The following DVL2 variants were observed in gnomAD, a reference collection of about 807,000 sequenced individuals.
DVL2 encodes the protein segment polarity protein dishevelled homolog DVL-2.
In DVL2, 38 loss-of-function variants were observed where a neutral mutation model predicts 69.8. The observed-to-expected ratio is 0.54, with a 90% confidence interval of 0.42 to 0.71. The LOEUF is 0.71. DVL2 is among the 30% of genes least tolerant of loss of function. DVL2 has a pLI of 0.00. For missense variants in DVL2, 931 were observed against 1,008.1 expected, an observed-to-expected ratio of 0.92 and a Z score of 1.04; for synonymous variants, 428 against 392.4, an observed-to-expected ratio of 1.09 and a Z score of -1.07.
At chr17:7,228,103 G>A in intron 9 of DVL2, 59 bp from the exon 10 acceptor site, 1 of 1,389,460 alleles carries the variant, frequency 7.2e-7, no homozygotes, top group Non-Finnish European at 9.8e-7. Context: ...CAGGAGGGCG[G>A]GGGTCTGAAG....
chr17:7,229,831 C>G lies in DVL2; in HGVS notation c.633G>C (p.Ser211=), dbSNP rs372152954. 1 of 1,612,324 alleles carries G rather than the reference C, an allele frequency of 6.2e-7. No homozygotes were observed. The highest frequency in any genetic ancestry group is 1.1e-5 in the South Asian group (1 of 91,078). Residue 211 remains serine, a synonymous_variant, in exon 5 of 15, where the codon TCG becomes TCC. Coordinates refer to ENST00000005340, the MANE Select transcript of DVL2 (RefSeq NM_004422.3). The surrounding 1 kb of genome is among the most constrained non-coding windows in gnomAD (Gnocchi z 4.4). Reference sequence around the variant, plus strand: ...ACCTGCTCATGGTGTCCTCCTCGTCCGAGTCCCCCAGGCTGGTACTCTCCA... The same window carrying G: ...ACCTGCTCATGGTGTCCTCCTCGTCGGAGTCCCCCAGGCTGGTACTCTCCA... ...SELESTSLGD[S]DEEDTMSRFS... is the part of the protein sequence containing the mutation.
chr17:7,225,410 G>T lies in DVL2; in HGVS notation c.*455C>A, dbSNP rs185187716. 6.4e-5 allele frequency: 30 copies of T among 465,198 alleles called. 1 individual carries two copies. The East Asian group carries it at 1.3e-3, about 20-fold the overall frequency. 28.8% of individuals were successfully genotyped at this position (465,198 alleles called of 1,614,324 possible). ...TAAAATAAATAGAGTAACAAAGGCA[G>T]CTACATGGCCCAAATCTCCCAGCTT... On this transcript the variant is annotated 3_prime_UTR_variant, in exon 15 of 15. Transcript: ENST00000005340.
At chr17:7,227,006 C>G in intron 13 of DVL2, 84 bp downstream of exon 13, 1 of 1,385,334 alleles carries the variant, frequency 7.2e-7, no homozygotes, top group South Asian at 1.3e-5. Flanking sequence ...GCCCTGGCTG[C>G]GGTTTCTGGG....
rs1452737917 is a variant in DVL2, at chr17:7,227,199, A to C, written c.1434T>G (p.Tyr478Ter). 1 of 1,613,762 alleles carries C rather than the reference A, an allele frequency of 6.2e-7. No homozygotes were observed. Among genetic ancestry groups the C allele is most frequent in the Non-Finnish European group, 8.5e-7 (1 of 1,179,868 alleles). ...GGCCTGCTTTGAGCAGCCCGCTGGC[A>C]TACTTGCGGGCCTCCCGCCGCTCAG... ...GFPERREARK[Y>*]ASGLLKAGLI... The change falls in exon 13 of 15, where the codon TAT becomes TAG. Residue 478 changes from tyrosine (Y) to a stop codon, truncating the protein, a stop_gained. Coordinates refer to ENST00000005340, the MANE Select transcript of DVL2 (RefSeq NM_004422.3). LOFTEE classifies it high-confidence loss of function.
chr17:7,229,780 C>T lies in DVL2; in HGVS notation c.656+28G>A, dbSNP rs1314686104. 6.2e-6 allele frequency: 10 copies of T among 1,600,740 alleles called. No homozygotes were observed. Among genetic ancestry groups the T allele is most frequent in the East Asian group, 2.2e-5 (1 of 44,576 alleles). On this transcript the variant is annotated intron_variant, in intron 5 of 14. Transcript: ENST00000005340. The surrounding 1 kb of genome is among the most constrained non-coding windows in gnomAD (Gnocchi z 4.4). The stretch of plus-strand genomic sequence containing the variant: ...CTGGAAGACGAGACGGGGCTGGGTG[C>T]GCTGGGGAGAGCTGTGCGGAGCCAC...
Position 7,230,068 on chromosome 17 carries a change from C to A in DVL2, c.498G>T (p.Arg166Ser). 6.2e-7 allele frequency: 1 copy of A among 1,614,138 alleles called. No individual in the cohort carries two copies. Among genetic ancestry groups the A allele is most frequent in the Non-Finnish European group, 8.5e-7 (1 of 1,180,030 alleles). ...VVSLRRERPR[R>S]RDSSEHGAGG... is the part of the protein sequence containing the mutation. ...CACCGCCATGCTCACTGCTGTCTCT[C>A]CTGCGAGGCCGCTCCCGCCTCAGTG... Residue 166 changes from arginine (R) to serine (S), a missense_variant, in exon 4 of 15, where the codon AGG becomes AGT. Arg to Ser is a moderately radical substitution (Grantham distance 110, BLOSUM62 -1). This residue lies in a region of DVL2 where 555 missense variants were observed against 588.8 expected (regional missense o/e 0.94). Transcript: ENST00000005340.
At chr17:7,230,517 C>CA in intron 2 of DVL2, 87 bp from the exon 3 acceptor site, 1 of 1,556,302 alleles carries the variant, frequency 6.4e-7, no homozygotes, top group Non-Finnish European at 8.8e-7. Flanking sequence ...GAAAGGGTCT[C>CA]AGAGAGCTGG....
rs945313962 is a variant in DVL2, at chr17:7,230,787, C to T, written c.205G>A (p.Glu69Lys). 2 of 1,613,290 alleles carry T rather than the reference C, an allele frequency of 1.2e-6. No individual in the cohort carries two copies. ...CGGGCGTTGTCATCTGAAATTTCTT[C>T]CTTCACCACCCTGCCAAGCGACAAG... ...SMDQDFGVVK[E>K]EISDDNARLP... The change falls in exon 2 of 15, where the codon GAA becomes AAA. Residue 69 changes from glutamate to lysine, a missense_variant. Glu to Lys is a moderately conservative substitution (Grantham distance 56, BLOSUM62 1). This residue lies in a region of DVL2 where 555 missense variants were observed against 588.8 expected (regional missense o/e 0.94). Transcript: ENST00000005340.
At chr17:7,230,682 T>C (rs758658577) in intron 2 of DVL2, 46 bp downstream of exon 2, 15 of 1,563,152 alleles carry the variant, frequency 9.6e-6, no homozygotes, top group Middle Eastern at 1.7e-4. Context: ...TTGAGGGAGC[T>C]TGGCAATGCT....
At chr17:7,228,863 C>G (rs1233584878) in intron 9 of DVL2, 106 bp downstream of exon 9, 14 of 1,192,014 alleles carry the variant, frequency 1.2e-5, no homozygotes, top group Non-Finnish European at 1.7e-5. Context: ...TTTACAGGCT[C>G]GAGCCACCAC....
chr17:7,234,322 G>C lies in DVL2; in HGVS notation c.-60C>G, dbSNP rs1488312081. The C allele has an allele frequency of 1.3e-6, 2 of 1,549,380 alleles. No individual in the cohort carries two copies. The highest frequency in any genetic ancestry group is 1.4e-5 in the African/African-American group (1 of 72,564). On this transcript the variant is annotated 5_prime_UTR_variant, in exon 1 of 15. Coordinates refer to ENST00000005340, the MANE Select transcript of DVL2 (RefSeq NM_004422.3). ...ACCCAAAGGGCTAATGGCCCCTGCC[G>C]CGCCTGCGCACACCCGCAAACCGAC...
At chr17:7,228,390 A>C in intron 9 of DVL2, 1 of 193,942 alleles carries the variant, frequency 5.2e-6, no homozygotes, top group East Asian at 1.3e-4. Context: ...GTGATGGCCA[A>C]AGAAGTCAGG....
rs1209528282 is a variant in DVL2, at chr17:7,225,562, T to C, written c.*303A>G. The C allele has an allele frequency of 3.6e-5, 16 of 445,474 alleles. No individual in the cohort carries two copies. The highest frequency in any genetic ancestry group is 5.7e-5 in the Non-Finnish European group (14 of 247,574). 27.6% of individuals were successfully genotyped at this position (445,474 alleles called of 1,614,324 possible). A position where few individuals can be genotyped will look rare whatever the true frequency, so the allele number is the denominator to read the frequency against. Reference sequence around the variant, plus strand: ...CTGGGGTTAGAAGGGGCCCAATGGATGGGAATTCTTCATATAAAAGAGGAA... The same window carrying C: ...CTGGGGTTAGAAGGGGCCCAATGGACGGGAATTCTTCATATAAAAGAGGAA... On this transcript the variant is annotated 3_prime_UTR_variant, in exon 15 of 15. Transcript: ENST00000005340.
rs2071471657 is a variant in DVL2, at chr17:7,227,241, A to T, written c.1392T>A (p.His464Gln). The change falls in exon 13 of 15, where the codon CAT (histidine) becomes CAA (glutamine). Residue 464 changes from histidine to glutamine, a missense_variant. By Grantham distance (24) the His-to-Gln change is conservative. Coordinates refer to ENST00000005340, the MANE Select transcript of DVL2 (RefSeq NM_004422.3). ...GCCGCTCAGGAAAGCCCTCCACGTG[A>T]TGGTAGAGCCAGTCAACCACATCCG... Reference protein sequence around the residue: ...LGSDVVDWLYHHVEGFPERRE... With the variant: ...LGSDVVDWLYQHVEGFPERRE... 2 of 1,612,754 alleles carry T rather than the reference A, an allele frequency of 1.2e-6. No individual in the cohort carries two copies. The highest frequency in any genetic ancestry group is 4.5e-5 in the East Asian group (2 of 44,868).
At chr17:7,230,501 G>A in intron 2 of DVL2, 71 bp from the exon 3 acceptor site, 1 of 1,582,808 alleles carries the variant, frequency 6.3e-7, no homozygotes, top group Non-Finnish European at 8.6e-7. Flanking sequence ...GTAAGTGAAA[G>A]AATGAGAAAG....
rs752107513 is a variant in DVL2 at position 7,229,167 on chromosome 17, C to T, written c.925G>A (p.Gly309Arg). The T allele has an allele frequency of 1.2e-5, 20 of 1,614,082 alleles. No individual in the cohort carries two copies. The highest frequency in any genetic ancestry group is 1.7e-5 in the Non-Finnish European group (20 of 1,180,032). Reference protein sequence around the residue: ...IMKGGAVAADGRIEPGDMLLQ... With the variant: ...IMKGGAVAADRRIEPGDMLLQ... ...AGCATGTCCCCTGGCTCAATGCGCC[C>T]GTCGGCCGCCACAGCCCCACCCTTC... The change falls in exon 8 of 15, where the codon GGG (glycine) becomes AGG (arginine). Residue 309 changes from glycine to arginine, a missense_variant. Coordinates refer to ENST00000005340, the MANE Select transcript of DVL2 (RefSeq NM_004422.3). The surrounding 1 kb of genome is among the most constrained non-coding windows in gnomAD (Gnocchi z 4.4).
chr17:7,230,365 C>T lies in DVL2; in HGVS notation c.330G>A (p.Leu110=), dbSNP rs753987470. The part of the protein sequence containing the change: ...APPVHEPRAE[L]APPAPPLPPL... Reference sequence around the variant, plus strand: ...GAGGTAAAGGTGGGGCTGGAGGCGCCAGTTCTGCCCGAGGCTCATGGACTG... The same window carrying T: ...GAGGTAAAGGTGGGGCTGGAGGCGCTAGTTCTGCCCGAGGCTCATGGACTG... Residue 110 remains leucine (L), a synonymous_variant, in exon 3 of 15, where the codon CTG becomes CTA. Transcript: ENST00000005340. 1.7e-5 allele frequency: 28 copies of T among 1,614,014 alleles called. No individual in the cohort carries two copies. Among genetic ancestry groups the T allele is most frequent in the Non-Finnish European group, 1.9e-5 (23 of 1,180,032 alleles).
chr17:7,232,828 G>T (rs947007983), intron 1 of DVL2, among the ~76,000 whole-genome samples: 1 of 152,064 alleles, frequency 6.6e-6, no homozygotes, highest in Non-Finnish European at 1.5e-5. Context: ...GGTGGCTCAC[G>T]CCTGTAATCC....
intron 4 of DVL2, 28 bp downstream of exon 4, chr17:7,230,018 C>A (rs1322143542): frequency 6.2e-7 from 1 of 1,612,616 alleles, no homozygotes; most frequent in Non-Finnish European, 8.5e-7. Flanking sequence ...TGGCCCAGCC[C>A]TTCCCGGCCC....
Sources: allele counts gnomAD v4.1 joint callset (sites outside exome capture counted in the v4.1 genomes callset), GRCh38; gene constraint gnomAD v4.1.1; regional missense constraint gnomAD v4.1.1; non-coding constraint Gnocchi (gnomAD v3.1); transcripts MANE v1.5; gene names NCBI Gene and HGNC (gene_info 2026-07-23, HGNC 2026-07-21).